PRDM2: variants seen among roughly 807,000 people sequenced by gnomAD.
The protein encoded by PRDM2 is PR/SET domain 2.
Under a neutral mutation model 130.0 loss-of-function variants are expected in PRDM2, and 30 were observed. The observed-to-expected ratio is 0.23, with a 90% CI of 0.17 to 0.31. The LOEUF (loss-of-function observed/expected upper bound fraction) is 0.31. PRDM2 is among the 10% of genes least tolerant of loss of function. The probability of loss-of-function intolerance (pLI) is 1.00; values close to 1 mark genes in which losing one functional copy is unlikely to be tolerated. For synonymous variants in PRDM2, 871 were observed against 782.4 expected, an observed-to-expected ratio of 1.11 and a Z score of -1.89; for missense variants, 2,011 against 2,108.4, an observed-to-expected ratio of 0.95 and a Z score of 0.90.
chr1:13,816,902 C>T (rs926647136), intron 9 of PRDM2, among the ~76,000 whole-genome samples: 3 of 152,168 alleles, frequency 2.0e-5, no homozygotes, highest in Non-Finnish European at 2.9e-5. Flanking sequence ...GTCAAATGTG[C>T]GAAGCACCTA....
At chr1:13,763,312 T>A (rs1191558525) in intron 6 of PRDM2, among the ~76,000 whole-genome samples, 1 of 152,182 alleles carries the variant, frequency 6.6e-6, no homozygotes. Context: ...AAACAGATGA[T>A]TTTTTTGTTT....
chr1:13,751,060 T>G (rs748888275), intron 6 of PRDM2, among the ~76,000 whole-genome samples: 6 of 152,232 alleles, frequency 3.9e-5, no homozygotes, highest in Non-Finnish European at 8.8e-5. Flanking sequence ...CTTTTCTCTG[T>G]TTGGCATACT....
At chr1:13,751,844 C>T (rs964195880) in intron 6 of PRDM2, among the ~76,000 whole-genome samples, 1 of 152,178 alleles carries the variant, frequency 6.6e-6, no homozygotes, top group African/African-American at 2.4e-5. Context: ...TGGTGCCTTT[C>T]AGAATTCATC....
At chr1:13,807,476 C>T (rs1443563966) in intron 8 of PRDM2, among the ~76,000 whole-genome samples, 2 of 152,148 alleles carry the variant, frequency 1.3e-5, no homozygotes, top group Admixed American at 6.5e-5. Flanking sequence ...AAGCACAACT[C>T]AGAAAGTAAA....
intron 6 of PRDM2, among the ~76,000 whole-genome samples, chr1:13,758,301 G>T (rs1336995932): frequency 6.6e-6 from 1 of 151,864 alleles, no homozygotes; most frequent in Non-Finnish European, 1.5e-5. Flanking sequence ...AAAATTAGCT[G>T]GGCGTGGTGG....
At position 13,719,281 on chromosome 1, in the gene PRDM2, A is replaced by G. The variant is rs887943923; in HGVS notation, c.9+3667A>G. Among the ~76,000 whole-genome samples the G allele has an allele frequency of 2.0e-5, 3 of 152,240 alleles. No homozygotes were observed. In the South Asian group the frequency reaches 6.2e-4, roughly 31 times the overall value. On this transcript the variant is annotated intron_variant, in intron 2 of 9. Transcript: ENST00000311066. ...GATCTGGAAAAAGAAAATTCCAGGC[A>G]GAGTGAACACACAGTAGTACAAAGA...
Position 13,773,136 on chromosome 1 carries a change from G to A in PRDM2, c.570G>A (p.Leu190=), listed in dbSNP as rs769508942. Residue 190 remains leucine, a synonymous_variant, in exon 7 of 10, where the codon CTG becomes CTA. Coordinates refer to ENST00000311066, the MANE Select transcript of PRDM2 (RefSeq NM_001393986.1). ...GAAACAAAATCCAAGACATACAACT[G>A]AAGACAAGTGAGCCAGATTTCACCT... ...NKGNKIQDIQ[L]KTSEPDFTSA... 4 of 1,577,714 alleles carry A rather than the reference G, an allele frequency of 2.5e-6. No homozygotes were observed. The highest frequency in any genetic ancestry group is 3.4e-4 in the Middle Eastern group (2 of 5,946).
chr1:13,801,408 CTCT>C (rs1337991743), intron 8 of PRDM2, among the ~76,000 whole-genome samples: 7 of 150,192 alleles, frequency 4.7e-5, no homozygotes, highest in African/African-American at 1.2e-4. Context: ...AACCTGTCTC[CTCT>C]TCTTAGGAAT....
chr1:13,781,024 C>T lies in PRDM2; in HGVS notation c.3229C>T (p.Pro1077Ser). The change falls in exon 8 of 10, where the codon CCT becomes TCT. Residue 1077 changes from proline (P) to serine (S), a missense_variant. By Grantham distance (74) the Pro-to-Ser change is moderately conservative. This residue lies in a region of PRDM2 where 1,288 missense variants were observed against 1,237.7 expected (regional missense o/e 1.04). Coordinates refer to ENST00000311066, the MANE Select transcript of PRDM2 (RefSeq NM_001393986.1). The surrounding 1 kb of genome is among the most constrained non-coding windows in gnomAD (Gnocchi z 6.1). ...SSSSSSPSPPPLSAISSVVSS... is the reference protein window; with the variant it reads ...SSSSSSPSPPSLSAISSVVSS... ...TTCCTCCTCTTCTCCTTCTCCACCTCCTCTCTCCGCAATATCATCTGTTGT... is the reference window on the plus strand; with the variant it reads ...TTCCTCCTCTTCTCCTTCTCCACCTTCTCTCTCCGCAATATCATCTGTTGT... 6.2e-7 allele frequency: 1 copy of T among 1,608,028 alleles called. No homozygotes were observed. The highest frequency in any genetic ancestry group is 1.7e-4 in the Middle Eastern group (1 of 6,044).
At chr1:13,745,146 G>A (rs976509269) in intron 5 of PRDM2, among the ~76,000 whole-genome samples, 21 of 152,200 alleles carry the variant, frequency 1.4e-4, no homozygotes, top group African/African-American at 4.8e-4. Context: ...TGGTCTGGAG[G>A]ATGTTTCGTG....
intron 1 of PRDM2, among the ~76,000 whole-genome samples, chr1:13,709,127 A>C (rs955072027): frequency 6.6e-6 from 1 of 151,402 alleles, no homozygotes; most frequent in South Asian, 2.1e-4. Context: ...ACATGTTTTC[A>C]TATTGACATC....
rs573615694 is a variant in PRDM2, at chr1:13,801,298, G to T, written c.5037-15129G>T. Among the ~76,000 whole-genome samples the T allele has an allele frequency of 2.0e-5, 3 of 152,344 alleles. No individual in the cohort carries two copies. In the South Asian group the frequency reaches 6.2e-4, roughly 32 times the overall value. On this transcript the variant is annotated intron_variant, in intron 8 of 9. Coordinates refer to ENST00000311066, the MANE Select transcript of PRDM2 (RefSeq NM_001393986.1). ...AGAATTCCCCTTGTGCGTTCACAGC[G>T]TATGTTTGCTTGGCTCAGCACTGTA...
At chr1:13,735,881 T>C (rs75437510) in intron 4 of PRDM2, among the ~76,000 whole-genome samples, 2,737 of 152,316 alleles carry the variant, frequency 0.018, 63 homozygotes, top group South Asian at 0.12. Context: ...GAAACTCCTA[T>C]CATCCAGGCG....
chr1:13,756,777 CAAT>C (rs1431284337), intron 6 of PRDM2, among the ~76,000 whole-genome samples: 2 of 152,208 alleles, frequency 1.3e-5, no homozygotes, highest in African/African-American at 2.4e-5. Context: ...TTGATGGTGA[CAAT>C]GACAGCAGTT....
chr1:13,741,162 A>G (rs1409807821), intron 4 of PRDM2, among the ~76,000 whole-genome samples: 1 of 152,212 alleles, frequency 6.6e-6, no homozygotes, highest in East Asian at 1.9e-4. Flanking sequence ...ACAAAATTAA[A>G]GTTAAAAATA....
intron 4 of PRDM2, among the ~76,000 whole-genome samples, chr1:13,739,178 C>T (rs1225443370): frequency 1.3e-5 from 2 of 152,002 alleles, no homozygotes; most frequent in Non-Finnish European, 2.9e-5. Flanking sequence ...TCCCCAGTAG[C>T]TGGGACTTCT....
intron 9 of PRDM2, among the ~76,000 whole-genome samples, chr1:13,819,465 C>T (rs1408975332): frequency 6.6e-6 from 1 of 152,200 alleles, no homozygotes; most frequent in Admixed American, 6.5e-5. Context: ...TCAGCAGTTT[C>T]GTGTAACTTG....
In PRDM2 at chr1:13,781,942, G is replaced by A. The variant is rs149866732; in HGVS notation, c.4147G>A (p.Val1383Met). The change falls in exon 8 of 10, where the codon GTG becomes ATG. Residue 1383 changes from valine (V) to methionine (M), a missense_variant. Around this residue, in one of 5 missense-constraint regions of PRDM2, gnomAD observed 229 missense variants for 364.1 expected, o/e 0.63. Coordinates refer to ENST00000311066, the MANE Select transcript of PRDM2 (RefSeq NM_001393986.1). The surrounding 1 kb of genome is among the most constrained non-coding windows in gnomAD (Gnocchi z 6.1). ...ACAAACTGTGCAACCCAAAAATGGC[G>A]TGGTGGTTTTAGATAACTCTGGGAA... ...LKQTVQPKNG[V>M]VVLDNSGKNA... 2.0e-4 allele frequency: 325 copies of A among 1,614,172 alleles called. No individual in the cohort carries two copies. The East Asian group carries it at 4.2e-3, about 21-fold the overall frequency.
chr1:13,795,263 T>G (rs1644905531), intron 8 of PRDM2, among the ~76,000 whole-genome samples: 1 of 152,154 alleles, frequency 6.6e-6, no homozygotes, highest in Non-Finnish European at 1.5e-5. Context: ...ACGATGTAAA[T>G]AAAGGGCTTT....
Sources: gnomAD v4.1 joint callset for allele counts (sites outside exome capture counted in the v4.1 genomes callset) on GRCh38, gnomAD v4.1.1 for gene constraint, gnomAD v4.1.1 regional missense constraint, Gnocchi (gnomAD v3.1) non-coding constraint, MANE v1.5 for transcripts, NCBI Gene and HGNC (gene_info 2026-07-23, HGNC 2026-07-21) for gene names.